Variants in CDC27 observed in about 807,000 individuals in gnomAD.
CDC27 encodes the protein cell division cycle protein 27 homolog.
Under a neutral mutation model 109.7 loss-of-function variants are expected in CDC27, and 27 were observed. The observed-to-expected ratio is 0.25, with a 90% CI of 0.18 to 0.34. The LOEUF (loss-of-function observed/expected upper bound fraction) is 0.34, where lower values mean the gene tolerates loss of function less well. Among genes scored for constraint, CDC27 ranks in the 10% least tolerant of loss-of-function variants. The pLI is 1.00. For missense variants in CDC27, 579 were observed against 960.2 expected, an observed-to-expected ratio of 0.60 and a Z score of 5.25; for synonymous variants, 266 against 333.9, an observed-to-expected ratio of 0.80 and a Z score of 2.22.
rs771959054 is a variant in CDC27, at chr17:47,143,855, A to G, written c.1170+28T>C. The G allele has an allele frequency of 1.0e-5, 11 of 1,102,636 alleles. No homozygotes were observed. In the East Asian group the frequency reaches 3.1e-4, roughly 31 times the overall value. 68.3% of individuals were successfully genotyped at this position (1,102,636 alleles called of 1,614,324 possible). Reference sequence around the variant, plus strand: ...TGTTAGCAGGCGAAGCATTAAGTAAATGTGACATACAGAAATCTTTAAATT... The same window carrying G: ...TGTTAGCAGGCGAAGCATTAAGTAAGTGTGACATACAGAAATCTTTAAATT... On this transcript the variant is annotated intron_variant, in intron 10 of 18. Coordinates refer to ENST00000066544, the MANE Select transcript of CDC27 (RefSeq NM_001256.6).
In CDC27 at chr17:47,120,109, T is replaced by C. The variant is rs1261110520; in HGVS notation, c.*826A>G. On this transcript the variant is annotated 3_prime_UTR_variant, in exon 19 of 19. Transcript: ENST00000066544. ...TTCATATGGTGAACTTAAGGGGTTA[T>C]TAAGGGCCTTGTTTTGGCTTCTCAG... The C allele has an allele frequency of 6.6e-6, 1 of 152,208 alleles. No homozygotes were observed. Among genetic ancestry groups the C allele is most frequent in the Admixed American group, 6.6e-5 (1 of 15,264 alleles). The allele number at this position is 152,208 out of a possible 1,614,324, so 9.4% of individuals were successfully genotyped here. A position where few individuals can be genotyped will look rare whatever the true frequency, so the allele number is the denominator to read the frequency against.
At chr17:47,156,188 G>C (rs1470616202) in intron 7 of CDC27, among the ~76,000 whole-genome samples, 1 of 152,008 alleles carries the variant, frequency 6.6e-6, no homozygotes, top group Non-Finnish European at 1.5e-5. Flanking sequence ...TCCCAGGCTG[G>C]AGTGCAGTGA....
At chr17:47,144,043 T>G in intron 9 of CDC27, 61 bp from the exon 10 acceptor site, 1 of 581,030 alleles carries the variant, frequency 1.7e-6, no homozygotes, top group Non-Finnish European at 2.6e-6. Context: ...CATTAACCAT[T>G]GTTTCAATTT....
chr17:47,132,650 T>G (rs893629224), intron 14 of CDC27, among the ~76,000 whole-genome samples: 1 of 150,622 alleles, frequency 6.6e-6, no homozygotes, highest in Non-Finnish European at 1.5e-5. Flanking sequence ...ACTGCATCCT[T>G]GAACTTCCGG....
intron 9 of CDC27, among the ~76,000 whole-genome samples, chr17:47,144,699 G>A (rs2062900581): frequency 1.3e-5 from 2 of 152,104 alleles, no homozygotes. Context: ...ATTGACAGTG[G>A]GTAAACTTGT....
intron 16 of CDC27, among the ~76,000 whole-genome samples, chr17:47,125,124 T>G (rs1282866041): frequency 6.6e-6 from 1 of 151,752 alleles, no homozygotes; most frequent in African/African-American, 2.4e-5. Flanking sequence ...TCACTAAAGT[T>G]GCCCAGGCTG....
chr17:47,133,058 C>T lies in CDC27; in HGVS notation c.1914-684G>A, dbSNP rs377741647. 3.7e-3 allele frequency among the ~76,000 whole-genome samples: 114 copies of T among 31,028 alleles called. 1 individual carries two copies. Among genetic ancestry groups the T allele is most frequent in the Non-Finnish European group, 5.6e-3 (80 of 14,256 alleles). 20.4% of individuals were successfully genotyped at this position (31,028 alleles called of 152,430 possible). On this transcript the variant is annotated intron_variant, in intron 14 of 18. Transcript: ENST00000066544. The stretch of plus-strand genomic sequence containing the variant: ...ACACACACACACACACACACACATA[C>T]ATATACACACACACACACACACACA...
intron 3 of CDC27, among the ~76,000 whole-genome samples, chr17:47,171,385 C>T (rs1289180565): frequency 6.6e-6 from 1 of 152,108 alleles, no homozygotes; most frequent in East Asian, 1.9e-4. Flanking sequence ...CACATGTGAC[C>T]GTTTAGTCCC....
Position 47,149,077 on chromosome 17 carries a change from CA to C in CDC27, c.1070+2728del, listed in dbSNP as rs71138591. Reference sequence around the variant, plus strand: ...CCAGGCAACAAGCAAGACTCTGTCTCAAAAAAAAAAAAAAAAAAAGAAAAAG... The same window carrying C: ...CCAGGCAACAAGCAAGACTCTGTCTCAAAAAAAAAAAAAAAAAAGAAAAAG... On this transcript the variant is annotated intron_variant, in intron 9 of 18. Transcript: ENST00000066544. 3.7e-3 allele frequency among the ~76,000 whole-genome samples: 245 copies of C among 66,892 alleles called. 1 individual carries two copies. The highest frequency in any genetic ancestry group is 0.026 in the East Asian group (63 of 2,380). 43.9% of individuals were successfully genotyped at this position (66,892 alleles called of 152,430 possible). A position where few individuals can be genotyped will look rare whatever the true frequency, so the allele number is the denominator to read the frequency against.
At chr17:47,169,414 G>A (rs895178097) in intron 4 of CDC27, among the ~76,000 whole-genome samples, 2 of 152,066 alleles carry the variant, frequency 1.3e-5, no homozygotes, top group African/African-American at 4.8e-5. Flanking sequence ...GGGAGGCTGA[G>A]GCAGGTGAAT....
chr17:47,175,039 G>GAGAGGAAGGAAGGA (rs1226717528), intron 2 of CDC27, among the ~76,000 whole-genome samples: 84 of 129,986 alleles, frequency 6.5e-4, no homozygotes, highest in Middle Eastern at 3.7e-3. Context: ...AAGAGAGAGA[G>GAGAGGAAGGAAGGA]AGGAAGGAAG....
At chr17:47,173,089 C>T (rs1015172039) in intron 2 of CDC27, among the ~76,000 whole-genome samples, 1 of 152,208 alleles carries the variant, frequency 6.6e-6, no homozygotes, top group Non-Finnish European at 1.5e-5. Context: ...CTGTGGCATT[C>T]TCAAGTTTGA....
chr17:47,185,457 A>ACAGG (rs1451093870), intron 1 of CDC27, among the ~76,000 whole-genome samples: 2 of 152,224 alleles, frequency 1.3e-5, no homozygotes, highest in Non-Finnish European at 2.9e-5. Flanking sequence ...TGCTGGGATT[A>ACAGG]CAGGCGTGAG....
At chr17:47,172,966 T>A (rs1017161590) in intron 2 of CDC27, among the ~76,000 whole-genome samples, 13 of 152,206 alleles carry the variant, frequency 8.5e-5, no homozygotes, top group African/African-American at 3.1e-4. Context: ...TCAGCATAAC[T>A]TGGAAACTTG....
At chr17:47,180,427 G>A (rs1481319183) in intron 2 of CDC27, among the ~76,000 whole-genome samples, 1 of 152,046 alleles carries the variant, frequency 6.6e-6, no homozygotes, top group Non-Finnish European at 1.5e-5. Context: ...CTATCTCAGA[G>A]TCAAGGTAAG....
chr17:47,160,780 T>C (rs1378800945), intron 4 of CDC27, among the ~76,000 whole-genome samples: 2 of 152,182 alleles, frequency 1.3e-5, no homozygotes, highest in East Asian at 3.8e-4. Context: ...ATGTGCGGAA[T>C]GTCAGTATAA....
In CDC27 at chr17:47,124,188, C is replaced by A. The variant is rs896331938; in HGVS notation, c.2161-228G>T. ...CTCTAGTACACTGAAAACACACACA[C>A]ACACACACACACACACACACACCCC... is the stretch of plus-strand genomic sequence containing the variant. On this transcript the variant is annotated intron_variant, in intron 16 of 18. Coordinates refer to ENST00000066544, the MANE Select transcript of CDC27 (RefSeq NM_001256.6). Among the ~76,000 whole-genome samples, 3 of 151,428 alleles carry A rather than the reference C, an allele frequency of 2.0e-5. No homozygotes were observed. The South Asian group carries it at 6.3e-4, about 32-fold the overall frequency.
Position 47,179,798 on chromosome 17 carries a change from G to A in CDC27, c.103+1764C>T, listed in dbSNP as rs62077274. 6.2e-3 allele frequency among the ~76,000 whole-genome samples: 938 copies of A among 152,238 alleles called. 10 individuals carry two copies. Among genetic ancestry groups the A allele is most frequent in the Non-Finnish European group, 9.3e-3 (631 of 68,014 alleles). On this transcript the variant is annotated intron_variant, in intron 2 of 18. Transcript: ENST00000066544. ...GCATTGTATCAGGTACATAAATAAC[G>A]TGGATTAAACAGCTTTATGTGGACT...
intron 16 of CDC27, among the ~76,000 whole-genome samples, chr17:47,124,774 T>C (rs746021610): frequency 2.6e-5 from 4 of 152,158 alleles, no homozygotes; most frequent in Admixed American, 2.6e-4. Context: ...AATTCTACTG[T>C]CCATTTGGAC....
Sources: gnomAD v4.1 joint callset for allele counts (sites outside exome capture counted in the v4.1 genomes callset) on GRCh38, gnomAD v4.1.1 for gene constraint, MANE v1.5 for transcripts, NCBI Gene and HGNC (gene_info 2026-07-23, HGNC 2026-07-21) for gene names.